The following TYW1 variants were observed in gnomAD, a reference collection of about 807,000 sequenced individuals.
TYW1 encodes S-adenosyl-L-methionine-dependent tRNA 4-demethylwyosine synthase TYW1.
Under a neutral mutation model 96.2 loss-of-function variants are expected in TYW1, and 46 were observed. The ratio of observed to expected loss-of-function variants is 0.48; its 90% CI spans 0.38 to 0.61. The LOEUF (loss-of-function observed/expected upper bound fraction) is 0.61, where lower values mean the gene tolerates loss of function less well. Among genes scored for constraint, TYW1 ranks in the 20% least tolerant of loss-of-function variants. The pLI, the probability that TYW1 is intolerant of heterozygous loss-of-function variation, is 0.00. For synonymous variants in TYW1, 274 were observed against 323.0 expected, an observed-to-expected ratio of 0.85 and a Z score of 1.63; for missense variants, 684 against 909.6, an observed-to-expected ratio of 0.75 and a Z score of 3.19.
chr7:67,011,334 A>G (rs1793789312), intron 4 of TYW1, among the ~76,000 whole-genome samples: 1 of 152,246 alleles, frequency 6.6e-6, no homozygotes, highest in African/African-American at 2.4e-5. Context: ...CACTGCGCCC[A>G]GGCGCATTAC....
At position 67,202,431 on chromosome 7, in the gene TYW1, C is replaced by G. The variant is rs1231362562; in HGVS notation, c.1977+7094C>G. Among the ~76,000 whole-genome samples, 6 of 152,148 alleles carry G rather than the reference C, an allele frequency of 3.9e-5. No individual in the cohort carries two copies. The South Asian group carries it at 1.2e-3, about 32-fold the overall frequency. ...TTTGGAGACAGGGTCTCATCTCGCTCTGTCACCCAGGCTGGAGTGCAGTGG... is the reference window on the plus strand; with the variant it reads ...TTTGGAGACAGGGTCTCATCTCGCTGTGTCACCCAGGCTGGAGTGCAGTGG... On this transcript the variant is annotated intron_variant, in intron 15 of 15. Coordinates refer to ENST00000359626, the MANE Select transcript of TYW1 (RefSeq NM_018264.4).
At position 67,049,989 on chromosome 7, in the gene TYW1, G is replaced by A. The variant is rs760712252; in HGVS notation, c.1025G>A (p.Arg342Lys). The change falls in exon 8 of 16, where the codon AGG becomes AAG. Residue 342 changes from arginine to lysine, a missense_variant. Coordinates refer to ENST00000359626, the MANE Select transcript of TYW1 (RefSeq NM_018264.4). Reference protein sequence around the residue: ...EQQEEKSGLFRNMGRNEDGER... With the variant: ...EQQEEKSGLFKNMGRNEDGER... ...CAGGAAGAGAAGTCTGGTTTGTTCA[G>A]GAACATGGGGAGGAATGAAGATGGT... 1.4e-5 allele frequency: 23 copies of A among 1,614,042 alleles called. No homozygotes were observed. In the East Asian group the frequency reaches 5.1e-4, roughly 36 times the overall value.
chr7:67,151,003 C>G (rs1798780283), intron 13 of TYW1, among the ~76,000 whole-genome samples: 1 of 152,152 alleles, frequency 6.6e-6, no homozygotes, highest in Admixed American at 6.5e-5. Context: ...TTCAGCAGAG[C>G]TGCTCCAATT....
chr7:67,213,316 T>G (rs1278399182), intron 15 of TYW1, among the ~76,000 whole-genome samples: 1 of 152,200 alleles, frequency 6.6e-6, no homozygotes, highest in African/African-American at 2.4e-5. Context: ...TACAGGTTCA[T>G]GCCACTGTGC....
At chr7:67,196,619 A>C (rs1467279193) in intron 15 of TYW1, among the ~76,000 whole-genome samples, 1 of 151,232 alleles carries the variant, frequency 6.6e-6, no homozygotes, top group Non-Finnish European at 1.5e-5. Context: ...AAACTGGCTT[A>C]AATGGCTGTG....
chr7:67,093,989 C>A (rs373970868), intron 11 of TYW1, among the ~76,000 whole-genome samples: 2 of 152,194 alleles, frequency 1.3e-5, no homozygotes, highest in Non-Finnish European at 2.9e-5. Flanking sequence ...AATTTTTCAA[C>A]TCTCACCCCG....
intron 15 of TYW1, among the ~76,000 whole-genome samples, chr7:67,199,504 C>G (rs1287235958): frequency 2.0e-5 from 3 of 152,188 alleles, no homozygotes; most frequent in African/African-American, 7.2e-5. Context: ...TGACTTAGCA[C>G]TTATTGATGG....
intron 11 of TYW1, among the ~76,000 whole-genome samples, chr7:67,087,887 A>G (rs1207178074): frequency 1.3e-5 from 2 of 152,014 alleles, no homozygotes; most frequent in Non-Finnish European, 2.9e-5. Flanking sequence ...ACTTGGAGAC[A>G]GGGTCTCACT....
Position 67,223,358 on chromosome 7 carries a change from T to C in TYW1, c.1978-14950T>C, listed in dbSNP as rs552349308. ...TGGAGTTTTGTTTTGTTTTGTTTGA[T>C]TATTGAAGGCTGTCTCTGTGCCAAG... is the stretch of plus-strand genomic sequence containing the variant. On this transcript the variant is annotated intron_variant, in intron 15 of 15. Coordinates refer to ENST00000359626, the MANE Select transcript of TYW1 (RefSeq NM_018264.4). Among the ~76,000 whole-genome samples, 113 of 152,262 alleles carry C rather than the reference T, an allele frequency of 7.4e-4. 2 individuals carry two copies. In the South Asian group the frequency reaches 0.022, roughly 30 times the overall value.
intron 15 of TYW1, among the ~76,000 whole-genome samples, chr7:67,203,353 A>G (rs2116367776): frequency 6.6e-6 from 1 of 152,364 alleles, no homozygotes; most frequent in South Asian, 2.1e-4. Context: ...TAGGCAACAT[A>G]CAGTTGTCAT....
intron 7 of TYW1, among the ~76,000 whole-genome samples, chr7:67,041,929 C>G (rs1795036194): frequency 6.6e-6 from 1 of 150,644 alleles, no homozygotes; most frequent in Non-Finnish European, 1.5e-5. Context: ...AATCCAGCCG[C>G]ATTGTATTTT....
intron 11 of TYW1, among the ~76,000 whole-genome samples, chr7:67,086,956 G>A (rs1796567141): frequency 6.6e-6 from 1 of 152,160 alleles, no homozygotes; most frequent in Non-Finnish European, 1.5e-5. Flanking sequence ...GACGATGACT[G>A]AGGATGTGTG....
chr7:67,003,049 G>C (rs1198310610), intron 3 of TYW1, among the ~76,000 whole-genome samples: 4 of 151,826 alleles, frequency 2.6e-5, no homozygotes, highest in African/African-American at 4.8e-5. Flanking sequence ...AGGATTACAG[G>C]CTTGAGCCAC....
At chr7:67,145,440 C>T (rs371427331) in intron 13 of TYW1, among the ~76,000 whole-genome samples, 10 of 152,048 alleles carry the variant, frequency 6.6e-5, no homozygotes, top group Admixed American at 1.3e-4. Context: ...TGAGCCACCG[C>T]GCCTGACTGG....
intron 7 of TYW1, among the ~76,000 whole-genome samples, chr7:67,032,375 T>C (rs1442826785): frequency 1.3e-5 from 2 of 152,032 alleles, no homozygotes; most frequent in East Asian, 3.9e-4. Context: ...TCCCAGCACT[T>C]TGGGAGGCCG....
chr7:67,123,034 A>G (rs980216719), intron 13 of TYW1, among the ~76,000 whole-genome samples: 8 of 152,198 alleles, frequency 5.3e-5, no homozygotes, highest in African/African-American at 1.2e-4. Context: ...CTTGTAGTCA[A>G]TGAAATATAT....
At chr7:67,132,807 T>G (rs747328717) in intron 13 of TYW1, among the ~76,000 whole-genome samples, 39 of 152,230 alleles carry the variant, frequency 2.6e-4, no homozygotes, top group Admixed American at 4.6e-4. Context: ...CTTTTGAGAC[T>G]TTGTAACTGC....
At chr7:67,101,598 C>T (rs138754737) in intron 12 of TYW1, among the ~76,000 whole-genome samples, 6,902 of 152,114 alleles carry the variant, frequency 0.045, 227 homozygotes, top group Middle Eastern at 0.082. Context: ...TCACTGCAAC[C>T]TCCGCCTCCC....
intron 15 of TYW1, among the ~76,000 whole-genome samples, chr7:67,213,114 T>G (rs1244864391): frequency 6.6e-6 from 1 of 152,034 alleles, no homozygotes; most frequent in East Asian, 1.9e-4. Flanking sequence ...CTCAGGTGAT[T>G]CGCCCTCCTC....
Sources: gnomAD v4.1 joint callset for allele counts (sites outside exome capture counted in the v4.1 genomes callset) on GRCh38, gnomAD v4.1.1 for gene constraint, MANE v1.5 for transcripts, NCBI Gene and HGNC (gene_info 2026-07-23, HGNC 2026-07-21) for gene names.